Variants in GALNT13 observed in about 807,000 individuals in gnomAD.
GALNT13 encodes the protein UDP-GalNAc:polypeptide N-acetylgalactosaminyltransferase 13.
In GALNT13, 28 loss-of-function variants were observed where a neutral mutation model predicts 64.2. The ratio of observed to expected loss-of-function variants is 0.44; its 90% CI spans 0.32 to 0.60. The LOEUF (loss-of-function observed/expected upper bound fraction) is 0.60. Among genes scored for constraint, GALNT13 ranks in the 20% least tolerant of loss-of-function variants. GALNT13 has a pLI of 0.05. For missense variants in GALNT13, 577 were observed against 669.8 expected (o/e 0.86, Z 1.53); for synonymous variants, 214 against 224.6 (o/e 0.95, Z 0.42).
At chr2:153,797,497 A>C in the GALNT13 span, among the ~76,000 whole-genome samples, 110 of 152,268 alleles carry the variant, frequency 7.2e-4, no homozygotes, top group African/African-American at 2.6e-3. Flanking sequence ...TTGGCTCAAC[A>C]TGTTTAATCT....
chr2:154,249,721 G>A (rs1327397392), intron 7 of GALNT13, among the ~76,000 whole-genome samples: 1 of 151,926 alleles, frequency 6.6e-6, no homozygotes, highest in African/African-American at 2.4e-5. Context: ...TATTTCTAAA[G>A]TAAAACAAAA....
the GALNT13 span, among the ~76,000 whole-genome samples, chr2:153,820,113 A>G: frequency 3.9e-5 from 6 of 152,378 alleles, no homozygotes; most frequent in East Asian, 1.9e-4. Context: ...TCAAAATACA[A>G]TTGAAAGCTA....
chr2:153,076,872 T>A, the GALNT13 span, among the ~76,000 whole-genome samples: 2 of 152,114 alleles, frequency 1.3e-5, no homozygotes, highest in South Asian at 4.1e-4. Flanking sequence ...GTCTCCTTCA[T>A]AGTTCTTTTT....
intron 3 of GALNT13, among the ~76,000 whole-genome samples, chr2:154,085,123 C>T (rs2105424262): frequency 6.6e-6 from 1 of 151,982 alleles, no homozygotes; most frequent in East Asian, 1.9e-4. Context: ...CACTTGCCTG[C>T]CCATGAAATC....
At position 154,258,922 on chromosome 2, in the gene GALNT13, A is replaced by G. The variant is rs1035682923; in HGVS notation, c.858-99A>G. 5 of 632,422 alleles carry G rather than the reference A, an allele frequency of 7.9e-6. No homozygotes were observed. In the East Asian group the frequency reaches 1.5e-4, roughly 19 times the overall value. 39.2% of individuals were successfully genotyped at this position (632,422 alleles called of 1,614,324 possible). A position where few individuals can be genotyped will look rare whatever the true frequency, so the allele number is the denominator to read the frequency against. ...TTGTGTTTTTAGTTTGAGATTTTTTAAATATTTAGAATGTCTCAAAAATAC... is the reference window on the plus strand; with the variant it reads ...TTGTGTTTTTAGTTTGAGATTTTTTGAATATTTAGAATGTCTCAAAAATAC... On this transcript the variant is annotated intron_variant, in intron 7 of 12. Transcript: ENST00000392825.
the GALNT13 span, among the ~76,000 whole-genome samples, chr2:153,849,660 C>T: frequency 6.6e-6 from 1 of 152,056 alleles, no homozygotes; most frequent in Admixed American, 6.6e-5. Flanking sequence ...GTTCTCTCTG[C>T]ATTAGAACCC....
chr2:154,284,084 A>G (rs374921922), intron 8 of GALNT13, among the ~76,000 whole-genome samples: 10 of 152,332 alleles, frequency 6.6e-5, no homozygotes, highest in African/African-American at 2.2e-4. Flanking sequence ...GTCAATTAAC[A>G]TATCCATCAC....
At chr2:153,532,042 G>C in the GALNT13 span, among the ~76,000 whole-genome samples, 9 of 152,172 alleles carry the variant, frequency 5.9e-5, no homozygotes, top group South Asian at 2.1e-4. Flanking sequence ...AGATTTTGTA[G>C]GACCATGGCC....
chr2:153,990,801 G>T (rs1351545822), intron 3 of GALNT13, among the ~76,000 whole-genome samples: 1 of 152,166 alleles, frequency 6.6e-6, no homozygotes, highest in East Asian at 1.9e-4. Context: ...CTGCAAATGT[G>T]AACTAGTTCA....
At chr2:154,412,945 A>C (rs750730723) in intron 11 of GALNT13, among the ~76,000 whole-genome samples, 1 of 151,926 alleles carries the variant, frequency 6.6e-6, no homozygotes, top group Non-Finnish European at 1.5e-5. Flanking sequence ...ACACTTTGAA[A>C]AGAATAAGAA....
intron 1 of GALNT13, among the ~76,000 whole-genome samples, chr2:153,881,786 GA>G (rs1574033990): frequency 1.3e-5 from 2 of 152,170 alleles, no homozygotes; most frequent in East Asian, 3.9e-4. Context: ...AACAGAACAG[GA>G]TATAAGGCAT....
At chr2:153,119,245 C>G in the GALNT13 span, among the ~76,000 whole-genome samples, 1 of 152,098 alleles carries the variant, frequency 6.6e-6, no homozygotes, top group East Asian at 1.9e-4. Flanking sequence ...AAGTGCACAG[C>G]TAGGAAGCAT....
chr2:153,349,050 TATG>T, the GALNT13 span, among the ~76,000 whole-genome samples: 2 of 152,224 alleles, frequency 1.3e-5, no homozygotes, highest in Non-Finnish European at 2.9e-5. Flanking sequence ...GTGGCTTAAC[TATG>T]ATAAGTACAT....
At chr2:153,706,005 T>G in the GALNT13 span, among the ~76,000 whole-genome samples, 1 of 152,086 alleles carries the variant, frequency 6.6e-6, no homozygotes, top group Non-Finnish European at 1.5e-5. Context: ...TATATATATT[T>G]TCTTTTTTTT....
At chr2:153,429,216 T>C in the GALNT13 span, among the ~76,000 whole-genome samples, 2 of 152,194 alleles carry the variant, frequency 1.3e-5, no homozygotes, top group African/African-American at 4.8e-5. Flanking sequence ...TGGAAACATA[T>C]TGAAGAAGAC....
At chr2:153,899,901 G>C (rs1057418233) in intron 1 of GALNT13, among the ~76,000 whole-genome samples, 33 of 145,352 alleles carry the variant, frequency 2.3e-4, no homozygotes, top group Non-Finnish European at 3.6e-4. Context: ...CTGTATTTTT[G>C]AAGGGAGATA....
the GALNT13 span, among the ~76,000 whole-genome samples, chr2:153,338,219 G>T: frequency 6.6e-6 from 1 of 152,100 alleles, no homozygotes; most frequent in Non-Finnish European, 1.5e-5. Context: ...ACTGAGCCCA[G>T]AAGATTGAGG....
chr2:153,198,645 T>C, the GALNT13 span, among the ~76,000 whole-genome samples: 149 of 152,364 alleles, frequency 9.8e-4, no homozygotes, highest in South Asian at 3.1e-3. Flanking sequence ...AATTATTAAC[T>C]CATTATCAAG....
At chr2:153,169,039 A>G in the GALNT13 span, among the ~76,000 whole-genome samples, 3,836 of 152,006 alleles carry the variant, frequency 0.025, 166 homozygotes, top group African/African-American at 0.088. Flanking sequence ...AGTTATGCCG[A>G]TAAAGGAGAA....
Sources: gnomAD v4.1 joint callset for allele counts (sites outside exome capture counted in the v4.1 genomes callset) on GRCh38, gnomAD v4.1.1 for gene constraint, MANE v1.5 for transcripts, NCBI Gene and HGNC (gene_info 2026-07-23, HGNC 2026-07-21) for gene names.